The following TNFSF4 variants were observed in gnomAD, a reference collection of about 807,000 sequenced individuals.
TNFSF4 encodes tumor necrosis factor ligand superfamily member 4.
In TNFSF4, 4 loss-of-function variants were observed where a neutral mutation model predicts 7.3. The ratio of observed to expected loss-of-function variants is 0.55; its 90% CI spans 0.27 to 1.25. The LOEUF (loss-of-function observed/expected upper bound fraction) is 1.25, where lower values mean the gene tolerates loss of function less well. Ranked by LOEUF, TNFSF4 falls within the 50% of genes most tolerant of loss-of-function variation. The pLI is 0.12. For missense variants in TNFSF4, 181 were observed against 208.8 expected, an observed-to-expected ratio of 0.87 and a Z score of 0.82; for synonymous variants, 76 against 83.7, an observed-to-expected ratio of 0.91 and a Z score of 0.50.
the TNFSF4 span, chr1:173,174,294 A>ACTTTT: frequency 6.6e-6 from 1 of 152,148 alleles, no homozygotes; most frequent in Non-Finnish European, 1.5e-5. Context: ...GAAATTCCAA[A>ACTTTT]CTTTTCCACA....
chr1:173,315,656 C>G, the TNFSF4 span, among the ~76,000 whole-genome samples: 3 of 152,220 alleles, frequency 2.0e-5, no homozygotes, highest in East Asian at 5.8e-4. Flanking sequence ...TTTCTAAGAG[C>G]AGGAAAGATA....
At chr1:173,317,933 A>G in the TNFSF4 span, among the ~76,000 whole-genome samples, 1 of 152,368 alleles carries the variant, frequency 6.6e-6, no homozygotes, top group African/African-American at 2.4e-5. Context: ...AATTATAAAT[A>G]TTACAATAAT....
At chr1:173,377,670 A>T in the TNFSF4 span, among the ~76,000 whole-genome samples, 1 of 152,116 alleles carries the variant, frequency 6.6e-6, no homozygotes, top group East Asian at 1.9e-4. Flanking sequence ...TACAAGAATG[A>T]TTTCTCTCCA....
chr1:173,296,157 G>C, the TNFSF4 span, among the ~76,000 whole-genome samples: 2 of 151,994 alleles, frequency 1.3e-5, no homozygotes, highest in African/African-American at 2.4e-5. Flanking sequence ...GCTCCTCAGA[G>C]GAAGTGATTT....
At chr1:173,447,621 G>A in the TNFSF4 span, among the ~76,000 whole-genome samples, 3 of 152,008 alleles carry the variant, frequency 2.0e-5, no homozygotes, top group African/African-American at 4.8e-5. Flanking sequence ...AAAATACACT[G>A]TGTGAAGTTA....
the TNFSF4 span, among the ~76,000 whole-genome samples, chr1:173,306,945 C>CA: frequency 6.6e-6 from 1 of 151,836 alleles, no homozygotes; most frequent in Non-Finnish European, 1.5e-5. Context: ...TGCACCCCTC[C>CA]AACTCCAGGG....
At chr1:173,307,895 G>A in the TNFSF4 span, among the ~76,000 whole-genome samples, 173 of 151,914 alleles carry the variant, frequency 1.1e-3, no homozygotes, top group African/African-American at 3.6e-3. Context: ...AAATTATCTC[G>A]TGTTTTTTAC....
At chr1:173,254,536 C>T in the TNFSF4 span, among the ~76,000 whole-genome samples, 3 of 152,220 alleles carry the variant, frequency 2.0e-5, no homozygotes, top group South Asian at 6.2e-4. Context: ...CACTATGTGG[C>T]GTTTAGCAAA....
chr1:173,213,252 T>G, the TNFSF4 span, among the ~76,000 whole-genome samples: 1 of 152,224 alleles, frequency 6.6e-6, no homozygotes, highest in Non-Finnish European at 1.5e-5. Context: ...CAACCCCTTT[T>G]GTTCTGATGC....
chr1:173,388,156 TAATA>T, the TNFSF4 span, among the ~76,000 whole-genome samples: 1 of 152,256 alleles, frequency 6.6e-6, no homozygotes, highest in African/African-American at 2.4e-5. Flanking sequence ...ATGCTAAATA[TAATA>T]AATAGTTATA....
At chr1:173,385,030 T>A in the TNFSF4 span, among the ~76,000 whole-genome samples, 1 of 152,256 alleles carries the variant, frequency 6.6e-6, no homozygotes, top group Non-Finnish European at 1.5e-5. Flanking sequence ...AGGACTCTAG[T>A]ACTAATTTTT....
At chr1:173,232,534 C>T in the TNFSF4 span, among the ~76,000 whole-genome samples, 1 of 152,140 alleles carries the variant, frequency 6.6e-6, no homozygotes, top group African/African-American at 2.4e-5. Flanking sequence ...AGAGGGCATC[C>T]CTGTCTTGTG....
chr1:173,251,804 T>C, the TNFSF4 span, among the ~76,000 whole-genome samples: 2 of 152,200 alleles, frequency 1.3e-5, no homozygotes, highest in South Asian at 4.1e-4. Context: ...TTGTGGTTTT[T>C]ACAATGACAC....
chr1:173,388,311 TA>T, the TNFSF4 span, among the ~76,000 whole-genome samples: 8 of 152,268 alleles, frequency 5.3e-5, no homozygotes, highest in Non-Finnish European at 2.9e-5. Flanking sequence ...TGTACATTTA[TA>T]TATGCATATG....
chr1:173,196,559 C>T (rs922211542), intron 1 of TNFSF4, among the ~76,000 whole-genome samples: 8 of 152,126 alleles, frequency 5.3e-5, no homozygotes, highest in East Asian at 1.9e-4. Context: ...TGAGTTTTCC[C>T]GCAGAGAAGC....
At chr1:173,183,005 G>A (rs1649083518), downstream of TNFSF4, among the ~76,000 whole-genome samples, 1 of 152,090 alleles carries the variant, frequency 6.6e-6, no homozygotes. Flanking sequence ...TTTTGGTTTT[G>A]TTTTCAAAAA....
the TNFSF4 span, among the ~76,000 whole-genome samples, chr1:173,236,623 G>A: frequency 2.6e-5 from 4 of 152,008 alleles, no homozygotes; most frequent in Non-Finnish European, 4.4e-5. Flanking sequence ...AGAAAATATG[G>A]TATATATACA....
chr1:173,350,022 T>G, the TNFSF4 span, among the ~76,000 whole-genome samples: 1 of 152,184 alleles, frequency 6.6e-6, no homozygotes, highest in South Asian at 2.1e-4. Context: ...ATAAAATATA[T>G]TTATTGTAGA....
At chr1:173,295,501 G>C in the TNFSF4 span, among the ~76,000 whole-genome samples, 2 of 151,932 alleles carry the variant, frequency 1.3e-5, no homozygotes, top group African/African-American at 2.4e-5. Flanking sequence ...CACCTGATCT[G>C]GACACAACAG....
Sources: allele counts gnomAD v4.1 joint callset (sites outside exome capture counted in the v4.1 genomes callset), GRCh38; gene constraint gnomAD v4.1.1; transcripts MANE v1.5; gene names NCBI Gene and HGNC (gene_info 2026-07-23, HGNC 2026-07-21).